Variants in ASXL1 observed in about 807,000 individuals in gnomAD.
ASXL1 encodes the protein ASXL transcriptional regulator 1.
Under a neutral mutation model 89.1 loss-of-function variants are expected in ASXL1, and 65 were observed. That is an observed-to-expected ratio of 0.73 (90% CI 0.60 to 0.90). The LOEUF is 0.90. Among genes scored for constraint, ASXL1 ranks in the 40% least tolerant of loss-of-function variants. The probability of loss-of-function intolerance (pLI) is 0.00; values close to 1 mark genes in which losing one functional copy is unlikely to be tolerated. For missense variants in ASXL1, 1,786 were observed against 1,942.9 expected, an observed-to-expected ratio of 0.92 and a Z score of 1.52; for synonymous variants, 739 against 746.9, an observed-to-expected ratio of 0.99 and a Z score of 0.17.
At chr20:32,392,497 A>C (rs2048690299) in intron 4 of ASXL1, among the ~76,000 whole-genome samples, 1 of 148,260 alleles carries the variant, frequency 6.7e-6, no homozygotes, top group Non-Finnish European at 1.5e-5. Context: ...GGCCAGGCTG[A>C]TCTTGAACTC....
intron 4 of ASXL1, among the ~76,000 whole-genome samples, chr20:32,404,036 C>G (rs2048915684): frequency 6.6e-6 from 1 of 152,064 alleles, no homozygotes; most frequent in African/African-American, 2.4e-5. Flanking sequence ...TTCAACTCTT[C>G]CCTTCTAGGT....
At position 32,436,315 on chromosome 20, in the gene ASXL1, A is replaced by G. The variant is rs2011869783; in HGVS notation, c.3603A>G (p.Gln1201=). 6.2e-7 allele frequency: 1 copy of G among 1,614,116 alleles called. No individual in the cohort carries two copies. The highest frequency in any genetic ancestry group is 1.1e-5 in the South Asian group (1 of 91,088). The change falls in exon 13 of 13, where the codon CAA becomes CAG. Residue 1201 remains glutamine (Q), a synonymous_variant. Coordinates refer to ENST00000375687, the MANE Select transcript of ASXL1 (RefSeq NM_015338.6). ...CCACCCAGGCTCCTGGAGCACCCCA[A>G]AAGAATTGCAAGGCAGTCCCAAGTT... The part of the protein sequence containing the change: ...IEATQAPGAP[Q]KNCKAVPSFD...
chr20:32,360,345 G>A lies in ASXL1; in HGVS notation c.57+1513G>A, dbSNP rs569669743. 33 of 153,758 alleles carry A rather than the reference G, an allele frequency of 2.1e-4. No individual in the cohort carries two copies. In the South Asian group the frequency reaches 6.0e-3, roughly 28 times the overall value. 9.5% of individuals were successfully genotyped at this position (153,758 alleles called of 1,614,324 possible). ...GTTCCGAAATATTTTTTTTCTGATTGAGTCAAAATTGGAAGCTTGGGCTAG... is the reference window on the plus strand; with the variant it reads ...GTTCCGAAATATTTTTTTTCTGATTAAGTCAAAATTGGAAGCTTGGGCTAG... On this transcript the variant is annotated intron_variant, in intron 1 of 12. Transcript: ENST00000375687.
At chr20:32,372,188 T>G in intron 4 of ASXL1, 3 of 1,342,804 alleles carry the variant, frequency 2.2e-6, no homozygotes, top group Non-Finnish European at 3.0e-6. Flanking sequence ...ACCAGGCCCC[T>G]TCATCTTAAT....
chr20:32,369,238 A>G (rs942783603), intron 4 of ASXL1, 115 bp downstream of exon 4: 2 of 965,454 alleles, frequency 2.1e-6, no homozygotes, highest in East Asian at 2.4e-5. Flanking sequence ...ATATGCAGTC[A>G]GGTGACACTG....
At chr20:32,359,010 T>C in intron 1 of ASXL1, 178 bp downstream of exon 1, 1 of 681,404 alleles carries the variant, frequency 1.5e-6, no homozygotes, top group Middle Eastern at 4.2e-4. Flanking sequence ...TCCGCCGGGA[T>C]GGGATGTGGC....
chr20:32,385,555 A>T (rs901796793), intron 4 of ASXL1, among the ~76,000 whole-genome samples: 2 of 152,104 alleles, frequency 1.3e-5, no homozygotes, highest in Non-Finnish European at 2.9e-5. Context: ...TGAAATACAG[A>T]TGACTCTTTG....
At position 32,438,093 on chromosome 20, in the gene ASXL1, C is replaced by T. The variant is rs2012033441; in HGVS notation, c.*755C>T. The T allele has an allele frequency of 4.3e-6, 1 of 233,516 alleles. No homozygotes were observed. The allele number at this position is 233,516 out of a possible 1,614,324, so 14.5% of individuals were successfully genotyped here. A position where few individuals can be genotyped will look rare whatever the true frequency, so the allele number is the denominator to read the frequency against. The stretch of plus-strand genomic sequence containing the variant: ...AGATGTTTGCAGGTGAATTCCTCTG[C>T]TTGACATCCTCCCTGTCACTTTGGA... On this transcript the variant is annotated 3_prime_UTR_variant, in exon 13 of 13. Transcript: ENST00000375687.
chr20:32,401,544 G>GGTTTT (rs1555907088), intron 4 of ASXL1, among the ~76,000 whole-genome samples: 1 of 69,304 alleles, frequency 1.4e-5, no homozygotes, highest in Non-Finnish European at 3.8e-5. Context: ...GTGTGTGTGT[G>GGTTTT]TTTTTTCCCC....
chr20:32,384,203 T>G (rs994689858), intron 4 of ASXL1, among the ~76,000 whole-genome samples: 6 of 135,270 alleles, frequency 4.4e-5, no homozygotes, highest in Admixed American at 2.1e-4. Context: ...AGTCTGTTTT[T>G]TTTTTTTTTT....
chr20:32,435,149 C>T lies in ASXL1; in HGVS notation c.2437C>T (p.Pro813Ser), dbSNP rs1307463870. 3 of 1,613,780 alleles carry T rather than the reference C, an allele frequency of 1.9e-6. No individual in the cohort carries two copies. The highest frequency in any genetic ancestry group is 1.3e-5 in the African/African-American group (1 of 74,918). ...ACCCACCGTTCCTGCAGACAATGGTCCCATTCCGTCTCTAGTGGGAGATGA... is the reference window on the plus strand; with the variant it reads ...ACCCACCGTTCCTGCAGACAATGGTTCCATTCCGTCTCTAGTGGGAGATGA... ...QGPTVPADNG[P>S]IPSLVGDDTL... Residue 813 changes from proline to serine, a missense_variant, in exon 13 of 13, where the codon CCC (proline) becomes TCC (serine). Coordinates refer to ENST00000375687, the MANE Select transcript of ASXL1 (RefSeq NM_015338.6).
At chr20:32,380,257 G>A (rs535742310) in intron 4 of ASXL1, among the ~76,000 whole-genome samples, 50 of 152,142 alleles carry the variant, frequency 3.3e-4, no homozygotes, top group African/African-American at 1.1e-3. Context: ...TGTAGCCTGG[G>A]CGACAAGAAG....
intron 4 of ASXL1, among the ~76,000 whole-genome samples, chr20:32,396,555 A>T (rs2048764989): frequency 6.6e-6 from 1 of 152,140 alleles, no homozygotes. Flanking sequence ...TAACATTCTT[A>T]GTTAGGGAGT....
In ASXL1 at chr20:32,358,410, C is replaced by G. The variant is rs1450301896; in HGVS notation, c.-366C>G. On this transcript the variant is annotated 5_prime_UTR_variant, in exon 1 of 13. Transcript: ENST00000375687. ...AAAGCCGCGTCTCGCCCTCCCGCCC[C>G]GCCGTCGGTCCTGTCTCAGTCCCTC... is the stretch of plus-strand genomic sequence containing the variant. 1 of 234,558 alleles carries G rather than the reference C, an allele frequency of 4.3e-6. No homozygotes were observed. Among genetic ancestry groups the G allele is most frequent in the South Asian group, 1.8e-4 (1 of 5,576 alleles). 14.5% of individuals were successfully genotyped at this position (234,558 alleles called of 1,614,324 possible).
At chr20:32,432,582 C>G (rs540679925) in intron 10 of ASXL1, 29 of 369,780 alleles carry the variant, frequency 7.8e-5, no homozygotes, top group African/African-American at 5.4e-4. Flanking sequence ...TTTAAGTAGG[C>G]CTTTCTAAGA....
At chr20:32,404,614 A>T (rs1423454439) in intron 4 of ASXL1, among the ~76,000 whole-genome samples, 1 of 152,016 alleles carries the variant, frequency 6.6e-6, no homozygotes, top group Admixed American at 6.6e-5. Flanking sequence ...TTCCTTTCTG[A>T]TATGTGTACC....
chr20:32,393,867 G>T (rs2048715183), intron 4 of ASXL1, among the ~76,000 whole-genome samples: 1 of 151,900 alleles, frequency 6.6e-6, no homozygotes, highest in African/African-American at 2.4e-5. Context: ...CTGTCACTCT[G>T]TCGTCTAGGC....
At chr20:32,384,185 G>A (rs188653723) in intron 4 of ASXL1, among the ~76,000 whole-genome samples, 2 of 142,612 alleles carry the variant, frequency 1.4e-5, no homozygotes, top group East Asian at 4.3e-4. Flanking sequence ...TTGGTCAATT[G>A]TAGCAGCAGT....
At chr20:32,423,544 T>A (rs535952323) in intron 4 of ASXL1, among the ~76,000 whole-genome samples, 35 of 151,444 alleles carry the variant, frequency 2.3e-4, no homozygotes, top group African/African-American at 5.3e-4. Flanking sequence ...CAGCATTTTT[T>A]ATTTATTTAT....
Sources: gnomAD v4.1 joint callset for allele counts (sites outside exome capture counted in the v4.1 genomes callset) on GRCh38, gnomAD v4.1.1 for gene constraint, MANE v1.5 for transcripts, NCBI Gene and HGNC (gene_info 2026-07-23, HGNC 2026-07-21) for gene names.